The following FRYL variants were observed in gnomAD, a reference collection of about 807,000 sequenced individuals.
FRYL encodes the protein protein furry homolog-like.
FRYL carries 150 observed loss-of-function variants against 351.2 expected under a neutral mutation model. That is an observed-to-expected ratio of 0.43 (90% CI 0.37 to 0.49). The LOEUF (loss-of-function observed/expected upper bound fraction) is 0.49. Among genes scored for constraint, FRYL ranks in the 20% least tolerant of loss-of-function variants. The pLI is 0.00. For synonymous variants in FRYL, 1,153 were observed against 1,257.1 expected, an observed-to-expected ratio of 0.92 and a Z score of 1.75; for missense variants, 3,036 against 3,619.3, an observed-to-expected ratio of 0.84 and a Z score of 4.13.
In FRYL at chr4:48,583,204, T is replaced by C. The variant is rs553440157; in HGVS notation, c.1749-470A>G. On this transcript the variant is annotated intron_variant, in intron 19 of 63. Transcript: ENST00000358350. ...TCTCGCTCTGTCACCCAGGCTGGAG[T>C]GCAGCGGCATGATCTCGGCTCATTG... Among the ~76,000 whole-genome samples, 5 of 151,836 alleles carry C rather than the reference T, an allele frequency of 3.3e-5. No homozygotes were observed. In the East Asian group the frequency reaches 9.7e-4, roughly 29 times the overall value.
intron 3 of FRYL, among the ~76,000 whole-genome samples, chr4:48,651,485 C>G (rs1355725091): frequency 6.6e-6 from 1 of 152,032 alleles, no homozygotes; most frequent in Non-Finnish European, 1.5e-5. Flanking sequence ...CAATGTGATT[C>G]CTTCTATCTC....
chr4:48,749,916 T>C (rs1474903048), intron 1 of FRYL, among the ~76,000 whole-genome samples: 1 of 152,116 alleles, frequency 6.6e-6, no homozygotes, highest in African/African-American at 2.4e-5. Flanking sequence ...GAGGACCACT[T>C]GAGGCCAGAA....
intron 9 of FRYL, among the ~76,000 whole-genome samples, chr4:48,608,004 G>A (rs1285317386): frequency 6.6e-6 from 1 of 152,042 alleles, no homozygotes; most frequent in African/African-American, 2.4e-5. Context: ...TCATATCTAT[G>A]TTTTTGTGTC....
intron 47 of FRYL, among the ~76,000 whole-genome samples, chr4:48,536,858 T>C (rs1729005407): frequency 2.0e-5 from 3 of 152,214 alleles, no homozygotes; most frequent in Admixed American, 2.0e-4. Context: ...GGAAGATGTT[T>C]AATAGGCTTG....
chr4:48,570,737 C>T (rs1411780887), intron 27 of FRYL, 90 bp downstream of exon 27: 2 of 917,622 alleles, frequency 2.2e-6, no homozygotes, highest in Admixed American at 2.0e-5. Context: ...TGCAATGGTG[C>T]TTTTCTGTTT....
intron 58 of FRYL, among the ~76,000 whole-genome samples, chr4:48,510,621 C>G (rs774941341): frequency 2.0e-5 from 3 of 152,096 alleles, no homozygotes; most frequent in Non-Finnish European, 4.4e-5. Context: ...ATCTAGGACT[C>G]TGTAGAGGGT....
intron 14 of FRYL, 39 bp downstream of exon 14, chr4:48,595,858 G>C: frequency 7.4e-7 from 1 of 1,349,418 alleles, no homozygotes; most frequent in Non-Finnish European, 1.0e-6. Context: ...TTAAAAACAA[G>C]AATTTATTTT....
chr4:48,720,492 C>G (rs1769349652), intron 1 of FRYL, among the ~76,000 whole-genome samples: 2 of 152,014 alleles, frequency 1.3e-5, no homozygotes, highest in East Asian at 3.9e-4. Flanking sequence ...AGCAAGACTC[C>G]ATCTCAAAAA....
At chr4:48,623,804 G>GT (rs1287073629) in intron 4 of FRYL, among the ~76,000 whole-genome samples, 1 of 150,820 alleles carries the variant, frequency 6.6e-6, no homozygotes, top group Non-Finnish European at 1.5e-5. Context: ...AGAAATATAA[G>GT]TTAAAAAAAA....
intron 27 of FRYL, among the ~76,000 whole-genome samples, chr4:48,568,037 G>A (rs1737216930): frequency 6.6e-6 from 1 of 152,214 alleles, no homozygotes; most frequent in Non-Finnish European, 1.5e-5. Context: ...AAGCCAAGGT[G>A]GGTGGATCAC....
chr4:48,551,703 G>A, intron 36 of FRYL, 125 bp from the exon 37 acceptor site: 1 of 619,664 alleles, frequency 1.6e-6, no homozygotes, highest in South Asian at 2.4e-5. Context: ...TTTAAAAAAA[G>A]GAATGTACTC....
intron 13 of FRYL, among the ~76,000 whole-genome samples, chr4:48,600,466 C>T (rs1745478103): frequency 6.6e-6 from 1 of 151,930 alleles, no homozygotes; most frequent in African/African-American, 2.4e-5. Context: ...ATTGACATAG[C>T]CATTAATGAA....
In FRYL at chr4:48,573,610, C is replaced by T. The variant is rs1408602804; in HGVS notation, c.2847-367G>A. 8.5e-5 allele frequency among the ~76,000 whole-genome samples: 13 copies of T among 152,194 alleles called. 1 individual carries two copies. The East Asian group carries it at 1.4e-3, about 16-fold the overall frequency. ...TGTTGCCCAGGCTGGAGTGCAATGGCGTGATCTCGGCTCACTGCAACTTAC... is the reference window on the plus strand; with the variant it reads ...TGTTGCCCAGGCTGGAGTGCAATGGTGTGATCTCGGCTCACTGCAACTTAC... On this transcript the variant is annotated intron_variant, in intron 25 of 63. Coordinates refer to ENST00000358350, the MANE Select transcript of FRYL (RefSeq NM_015030.2).
At chr4:48,629,033 TATA>T (rs1239163834) in intron 4 of FRYL, among the ~76,000 whole-genome samples, 2 of 149,230 alleles carry the variant, frequency 1.3e-5, no homozygotes, top group African/African-American at 4.9e-5. Context: ...TATAAAATAT[TATA>T]ATACTTTATA....
At chr4:48,659,101 A>C (rs1481823142) in intron 3 of FRYL, among the ~76,000 whole-genome samples, 1 of 152,126 alleles carries the variant, frequency 6.6e-6, no homozygotes, top group African/African-American at 2.4e-5. Context: ...CTGTAATCCC[A>C]ACACTTTGGG....
intron 3 of FRYL, among the ~76,000 whole-genome samples, chr4:48,635,728 C>G (rs2149376146): frequency 6.6e-6 from 1 of 152,252 alleles, no homozygotes; most frequent in Non-Finnish European, 1.5e-5. Flanking sequence ...TCTAACTTAG[C>G]TTATGTTGCC....
At chr4:48,675,354 C>A (rs1210539853) in intron 3 of FRYL, among the ~76,000 whole-genome samples, 1 of 152,208 alleles carries the variant, frequency 6.6e-6, no homozygotes, top group Non-Finnish European at 1.5e-5. Flanking sequence ...GAGGCGCGAG[C>A]GGAAACCGGG....
At chr4:48,744,465 C>T (rs1176933263) in intron 1 of FRYL, among the ~76,000 whole-genome samples, 6 of 152,168 alleles carry the variant, frequency 3.9e-5, no homozygotes, top group Non-Finnish European at 8.8e-5. Context: ...CTTTCAAAGT[C>T]ACTGAGTTAC....
At position 48,634,397 on chromosome 4, in the gene FRYL, G is replaced by A. The variant is rs770421552; in HGVS notation, c.14C>T (p.Thr5Met). 22 of 1,611,298 alleles carry A rather than the reference G, an allele frequency of 1.4e-5. No homozygotes were observed. Among genetic ancestry groups the A allele is most frequent in the African/African-American group, 6.7e-5 (5 of 74,810 alleles). The change falls in exon 4 of 64, where the codon ACG becomes ATG. Residue 5 changes from threonine (T) to methionine (M), a missense_variant. By Grantham distance (81) the Thr-to-Met change is moderately conservative (BLOSUM62 -1). This residue lies in a region of FRYL where 457 missense variants were observed against 566.6 expected (regional missense o/e 0.81). Transcript: ENST00000358350. ...ACCAGGTTTGACATCTGGGTCAATC[G>A]TAATGTTTGACATGATGATATTTTT... MSNI[T>M]IDPDVKPGEY... is the part of the protein sequence containing the mutation.
Sources: allele counts gnomAD v4.1 joint callset (sites outside exome capture counted in the v4.1 genomes callset), GRCh38; gene constraint gnomAD v4.1.1; regional missense constraint gnomAD v4.1.1; transcripts MANE v1.5; gene names NCBI Gene and HGNC (gene_info 2026-07-23, HGNC 2026-07-21).